Variants in MBD2 observed in about 807,000 individuals in gnomAD.
MBD2 encodes the protein methyl-CpG binding domain protein 2.
Under a neutral mutation model 39.3 loss-of-function variants are expected in MBD2, and 9 were observed. The observed-to-expected ratio is 0.23, with a 90% CI of 0.14 to 0.40. The LOEUF (loss-of-function observed/expected upper bound fraction) is 0.40, where lower values mean the gene tolerates loss of function less well. Ranked by LOEUF, MBD2 falls within the 10% of genes least tolerant of loss-of-function variation. MBD2 has a pLI of 1.00. For synonymous variants in MBD2, 233 were observed against 211.1 expected (o/e 1.10, Z -0.90); for missense variants, 458 against 532.6 (o/e 0.86, Z 1.38).
chr18:54,151,744 G>A lies in MBD2; in HGVS notation c.*3580C>T, dbSNP rs1599068686. On this transcript the variant is annotated 3_prime_UTR_variant, in exon 7 of 7. Coordinates refer to ENST00000256429, the MANE Select transcript of MBD2 (RefSeq NM_003927.5). ...TGTTTATATCTTTGCAATTATTTAT[G>A]AAGATCTATATTATTTTAAAAATCC... is the stretch of plus-strand genomic sequence containing the variant. The A allele has an allele frequency of 6.7e-6, 1 of 148,610 alleles. No homozygotes were observed. Among genetic ancestry groups the A allele is most frequent in the African/African-American group, 2.5e-5 (1 of 40,362 alleles). 9.2% of individuals were successfully genotyped at this position (148,610 alleles called of 1,614,324 possible).
chr18:54,218,206 T>G (rs1295389126), intron 1 of MBD2, among the ~76,000 whole-genome samples: 2 of 152,238 alleles, frequency 1.3e-5, no homozygotes, highest in African/African-American at 2.4e-5. Context: ...GGTTGAACAT[T>G]TATCAAAGAG....
intron 1 of MBD2, among the ~76,000 whole-genome samples, chr18:54,217,016 G>A (rs145605549): frequency 6.6e-6 from 1 of 152,274 alleles, no homozygotes; most frequent in Non-Finnish European, 1.5e-5. Context: ...TTGAATCCAG[G>A]AGGCAGAGGG....
At chr18:54,223,954 G>A in intron 1 of MBD2, 64 bp downstream of exon 1, 1 of 1,399,424 alleles carries the variant, frequency 7.1e-7, no homozygotes, top group East Asian at 2.7e-5. Flanking sequence ...CTCTGCCCAG[G>A]CCCGCTCTTG....
chr18:54,191,811 AT>A (rs374280063), intron 2 of MBD2, among the ~76,000 whole-genome samples: 25 of 151,482 alleles, frequency 1.7e-4, no homozygotes, highest in African/African-American at 5.3e-4. Context: ...CCTTTATCTC[AT>A]TTTTTTCCCC....
intron 1 of MBD2, among the ~76,000 whole-genome samples, chr18:54,211,530 CA>C (rs1363743186): frequency 1.3e-5 from 2 of 152,074 alleles, no homozygotes; most frequent in African/African-American, 4.8e-5. Flanking sequence ...CCATCCTCAG[CA>C]CTCCTCTACA....
intron 2 of MBD2, among the ~76,000 whole-genome samples, chr18:54,196,315 A>G (rs2086366502): frequency 6.6e-6 from 1 of 152,180 alleles, no homozygotes; most frequent in Non-Finnish European, 1.5e-5. Flanking sequence ...ATTAAAAAGG[A>G]CTACACCTGT....
chr18:54,213,946 A>G (rs1326291418), intron 1 of MBD2, among the ~76,000 whole-genome samples: 1 of 151,956 alleles, frequency 6.6e-6, no homozygotes, highest in Non-Finnish European at 1.5e-5. Flanking sequence ...AATATGCCCA[A>G]AAACCAGACT....
chr18:54,160,151 A>G (rs1466478616), intron 5 of MBD2: 1 of 406,966 alleles, frequency 2.5e-6, no homozygotes. Flanking sequence ...GAGCAGATTG[A>G]CGTCAGTGAC....
intron 3 of MBD2, among the ~76,000 whole-genome samples, chr18:54,180,257 C>T (rs955507234): frequency 6.6e-6 from 1 of 151,998 alleles, no homozygotes; most frequent in Non-Finnish European, 1.5e-5. Context: ...TAATTCTCCC[C>T]ACAGATTTAC....
Position 54,219,450 on chromosome 18 carries a change from T to C in MBD2, c.542+4568A>G, listed in dbSNP as rs180898712. On this transcript the variant is annotated intron_variant, in intron 1 of 6. Transcript: ENST00000256429. ...GCATTGTGTCGAGGGGAAAGACAGCTATGTGAGAAAGCCACAAGTTCTAAG... is the reference window on the plus strand; with the variant it reads ...GCATTGTGTCGAGGGGAAAGACAGCCATGTGAGAAAGCCACAAGTTCTAAG... 3.3e-5 allele frequency among the ~76,000 whole-genome samples: 5 copies of C among 152,316 alleles called. No individual in the cohort carries two copies. In the East Asian group the frequency reaches 7.7e-4, roughly 23 times the overall value.
chr18:54,188,430 T>G (rs2144310088), intron 3 of MBD2, among the ~76,000 whole-genome samples: 1 of 152,330 alleles, frequency 6.6e-6, no homozygotes, highest in South Asian at 2.1e-4. Context: ...TTTATCTAAT[T>G]CTGTTTTTCA....
chr18:54,196,293 T>C (rs4939750), intron 2 of MBD2, among the ~76,000 whole-genome samples: 129,020 of 152,126 alleles, frequency 0.85, 55,189 homozygotes, highest in East Asian at 1. Context: ...GGATGGAGTA[T>C]ACTTTGAGCT....
intron 1 of MBD2, among the ~76,000 whole-genome samples, chr18:54,206,473 C>A (rs2086450667): frequency 1.3e-5 from 2 of 152,036 alleles, no homozygotes; most frequent in South Asian, 4.1e-4. Flanking sequence ...AACCTTGCAC[C>A]AAGTGACCAC....
At chr18:54,211,930 A>T (rs1461961472) in intron 1 of MBD2, among the ~76,000 whole-genome samples, 2 of 151,110 alleles carry the variant, frequency 1.3e-5, no homozygotes, top group Admixed American at 6.6e-5. Context: ...ATCTCAGCTC[A>T]CTGCAACCTC....
chr18:54,200,941 G>T (rs921225478), intron 2 of MBD2, among the ~76,000 whole-genome samples: 1 of 152,094 alleles, frequency 6.6e-6, no homozygotes, highest in African/African-American at 2.4e-5. Context: ...TTAGCTGGGC[G>T]TGGTGGCGGG....
chr18:54,204,331 C>G (rs1036871277), intron 2 of MBD2, among the ~76,000 whole-genome samples: 30 of 152,298 alleles, frequency 2.0e-4, no homozygotes, highest in African/African-American at 7.2e-4. Flanking sequence ...ATATTGGGTC[C>G]TTTAACATAA....
At position 54,164,482 on chromosome 18, in the gene MBD2, G is replaced by A. The variant is rs569717067; in HGVS notation, c.1109+41C>T. 3.6e-5 allele frequency: 56 copies of A among 1,567,532 alleles called. 1 individual carries two copies. In the South Asian group the frequency reaches 5.7e-4, roughly 16 times the overall value. The stretch of plus-strand genomic sequence containing the variant: ...TGAACAGTAAAAAATTTACCCAAAC[G>A]TAAAAACCCAAGTTTATGAAGTCAT... On this transcript the variant is annotated intron_variant, in intron 5 of 6. Coordinates refer to ENST00000256429, the MANE Select transcript of MBD2 (RefSeq NM_003927.5).
rs555088881 is a variant in MBD2 at position 54,203,197 on chromosome 18, TTAACA to T, written c.702+1796_702+1800del. 3.7e-5 allele frequency: 56 copies of T among 1,509,062 alleles called. No individual in the cohort carries two copies. In the African/African-American group the frequency reaches 4.9e-4, roughly 13 times the overall value. The allele number at this position is 1,509,062 out of a possible 1,614,324, so 93.5% of individuals were successfully genotyped here. A position where few individuals can be genotyped will look rare whatever the true frequency, so the allele number is the denominator to read the frequency against. On this transcript the variant is annotated intron_variant, in intron 2 of 6. Transcript: ENST00000256429. Reference sequence around the variant, plus strand: ...CAGAAAATAAATCTGCACATTACACTTAACATAACTAAACTGTGGTTCTGGTAACA... The same window carrying T: ...CAGAAAATAAATCTGCACATTACACTTAACTAAACTGTGGTTCTGGTAACA...
At chr18:54,213,086 G>C (rs1281290486) in intron 1 of MBD2, among the ~76,000 whole-genome samples, 2 of 39,810 alleles carry the variant, frequency 5.0e-5, no homozygotes, top group Admixed American at 4.0e-4. Flanking sequence ...TTATGGGGGC[G>C]GGGGGGGGGA....
Sources: allele counts gnomAD v4.1 joint callset (sites outside exome capture counted in the v4.1 genomes callset), GRCh38; gene constraint gnomAD v4.1.1; transcripts MANE v1.5; gene names NCBI Gene and HGNC (gene_info 2026-07-23, HGNC 2026-07-21).